PCDH15: variants seen among roughly 807,000 people sequenced by gnomAD.
The protein encoded by PCDH15 is protocadherin-15.
Under a neutral mutation model 178.5 loss-of-function variants are expected in PCDH15, and 129 were observed. The ratio of observed to expected loss-of-function variants is 0.72; its 90% confidence interval spans 0.63 to 0.84. The LOEUF is 0.84. Ranked by LOEUF, PCDH15 falls within the 40% of genes least tolerant of loss-of-function variation. The pLI is 0.00. For synonymous variants in PCDH15, 800 were observed against 732.0 expected (o/e 1.09, Z -1.50); for missense variants, 2,230 against 2,099.9 (o/e 1.06, Z -1.21).
intron 2 of PCDH15, among the ~76,000 whole-genome samples, chr10:54,986,023 T>C (rs935376812): frequency 6.6e-6 from 1 of 152,238 alleles, no homozygotes; most frequent in Non-Finnish European, 1.5e-5. Flanking sequence ...AAATCCTCTG[T>C]GGAATTTCTT....
chr10:54,786,955 A>C (rs1427043348), intron 1 of PCDH15, among the ~76,000 whole-genome samples: 1 of 151,740 alleles, frequency 6.6e-6, no homozygotes, highest in Non-Finnish European at 1.5e-5. Context: ...TAAAGATATT[A>C]TATTTCTATA....
intron 2 of PCDH15, among the ~76,000 whole-genome samples, chr10:55,351,398 A>G (rs549125768): frequency 6.6e-6 from 1 of 152,150 alleles, no homozygotes; most frequent in African/African-American, 2.4e-5. Context: ...CCACGATTCT[A>G]TTCCTACTAA....
chr10:54,139,094 C>T (rs1407469842), intron 14 of PCDH15, among the ~76,000 whole-genome samples: 1 of 152,036 alleles, frequency 6.6e-6, no homozygotes, highest in Non-Finnish European at 1.5e-5. Context: ...ATATATGTCT[C>T]TGCTAGATAT....
intron 1 of PCDH15, among the ~76,000 whole-genome samples, chr10:55,212,764 T>C (rs1029589578): frequency 6.6e-6 from 1 of 152,054 alleles, no homozygotes; most frequent in African/African-American, 2.4e-5. Flanking sequence ...GGTTAAGAAA[T>C]ACTGCAGTTC....
At chr10:55,476,797 T>C (rs1488342219) in intron 2 of PCDH15, among the ~76,000 whole-genome samples, 1 of 152,036 alleles carries the variant, frequency 6.6e-6, no homozygotes, top group South Asian at 2.1e-4. Context: ...GCATTCAAAA[T>C]ATAACTAAAG....
chr10:54,874,528 A>T (rs1417021881), intron 3 of PCDH15, among the ~76,000 whole-genome samples: 2 of 152,154 alleles, frequency 1.3e-5, no homozygotes, highest in Non-Finnish European at 2.9e-5. Flanking sequence ...AAAACACCAA[A>T]AGCAATGGCA....
At chr10:55,056,610 TTTATTATTATTATTA>T (rs60186759) in intron 2 of PCDH15, among the ~76,000 whole-genome samples, 1 of 142,992 alleles carries the variant, frequency 7.0e-6, no homozygotes, top group East Asian at 2.0e-4. Context: ...TTTATTTTGT[TTTATTATTATTATTA>T]TTATTATTAT....
At chr10:54,132,846 C>A (rs1165214454) in intron 15 of PCDH15, 29 bp downstream of exon 15, 1 of 1,586,678 alleles carries the variant, frequency 6.3e-7, no homozygotes, top group Middle Eastern at 1.7e-4. Flanking sequence ...TTTATACACA[C>A]ACACACACAC....
chr10:54,028,682 G>T (rs534189989), intron 18 of PCDH15, among the ~76,000 whole-genome samples: 2 of 132,184 alleles, frequency 1.5e-5, no homozygotes, highest in Admixed American at 1.6e-4. Context: ...GTAAACTATC[G>T]CAAGAACAAA....
intron 3 of PCDH15, among the ~76,000 whole-genome samples, chr10:54,487,499 A>G (rs567191967): frequency 1.2e-4 from 19 of 152,208 alleles, no homozygotes; most frequent in African/African-American, 4.6e-4. Context: ...TTATACAAAT[A>G]AAAATAAATC....
intron 3 of PCDH15, among the ~76,000 whole-genome samples, chr10:54,818,184 T>C (rs184294787): frequency 3.9e-5 from 6 of 152,192 alleles, no homozygotes; most frequent in African/African-American, 1.4e-4. Flanking sequence ...TAGTTTAGAA[T>C]GTTCATGTGA....
chr10:55,334,302 A>C (rs1195950273), intron 2 of PCDH15, among the ~76,000 whole-genome samples: 2 of 125,766 alleles, frequency 1.6e-5, no homozygotes, highest in South Asian at 2.6e-4. Flanking sequence ...ATATATCTAT[A>C]TATATATATA....
chr10:55,122,556 GA>G (rs1258098256), intron 2 of PCDH15, among the ~76,000 whole-genome samples: 1 of 151,892 alleles, frequency 6.6e-6, no homozygotes, highest in Non-Finnish European at 1.5e-5. Context: ...ATAGAAATGA[GA>G]AAAAAATGGC....
chr10:54,248,355 T>TATC (rs1348216558), intron 8 of PCDH15, among the ~76,000 whole-genome samples: 1 of 152,078 alleles, frequency 6.6e-6, no homozygotes, highest in African/African-American at 2.4e-5. Flanking sequence ...TTAAAATAGT[T>TATC]ATCTTATTTT....
chr10:54,840,039 T>C (rs1001119965), intron 3 of PCDH15, among the ~76,000 whole-genome samples: 1 of 152,026 alleles, frequency 6.6e-6, no homozygotes, highest in Non-Finnish European at 1.5e-5. Flanking sequence ...TGTACTTGCC[T>C]TATAATAAAT....
intron 35 of PCDH15, among the ~76,000 whole-genome samples, chr10:53,815,616 G>A (rs2076032351): frequency 6.6e-6 from 1 of 152,038 alleles, no homozygotes; most frequent in Admixed American, 6.6e-5. Flanking sequence ...CAAGGAAAAG[G>A]AATAAAATTT....
intron 1 of PCDH15, among the ~76,000 whole-genome samples, chr10:54,781,042 TTACCTC>T (rs1950305649): frequency 6.6e-6 from 1 of 152,158 alleles, no homozygotes; most frequent in Admixed American, 6.6e-5. Context: ...TTCTATTTTA[TTACCTC>T]TACCTAAGCC....
chr10:54,586,203 C>T (rs549024194), intron 2 of PCDH15, among the ~76,000 whole-genome samples: 1 of 152,092 alleles, frequency 6.6e-6, no homozygotes, highest in African/African-American at 2.4e-5. Flanking sequence ...TTAAATTTTT[C>T]TGAAAATAGA....
At chr10:54,672,308 C>T (rs527404555) in intron 1 of PCDH15, among the ~76,000 whole-genome samples, 50 of 151,996 alleles carry the variant, frequency 3.3e-4, no homozygotes, top group Non-Finnish European at 2.4e-4. Flanking sequence ...AGCCCCAGGT[C>T]GGTGGAAATT....
Sources: allele counts gnomAD v4.1 joint callset (sites outside exome capture counted in the v4.1 genomes callset), GRCh38; gene constraint gnomAD v4.1.1; transcripts MANE v1.5; gene names NCBI Gene and HGNC (gene_info 2026-07-23, HGNC 2026-07-21).